HOXB3: variants seen among roughly 807,000 people sequenced by gnomAD.
HOXB3 encodes homeobox protein Hox-B3.
HOXB3 carries 17 observed loss-of-function variants against 29.2 expected under a neutral mutation model. The observed-to-expected ratio is 0.58, with a 90% confidence interval of 0.40 to 0.87. The LOEUF (loss-of-function observed/expected upper bound fraction) is 0.87, where lower values mean the gene tolerates loss of function less well. HOXB3 is among the 40% of genes least tolerant of loss of function. HOXB3 has a pLI of 0.00. For missense variants in HOXB3, 637 were observed against 616.3 expected (o/e 1.03, Z -0.35); for synonymous variants, 317 against 285.9 (o/e 1.11, Z -1.10).
At position 48,550,232 on chromosome 17, in the gene HOXB3, C is replaced by T; in HGVS notation, c.*102G>A. The stretch of plus-strand genomic sequence containing the variant: ...CGGTTCTGACCAGGAAGCCTGGGTA[C>T]CACCTTCTCTGGCTCCTCTTTTCAG... On this transcript the variant is annotated 3_prime_UTR_variant, in exon 5 of 5. Coordinates refer to ENST00000498678, the MANE Select transcript of HOXB3 (RefSeq NM_001384749.1). 4.0e-6 allele frequency: 6 copies of T among 1,500,904 alleles called. No individual in the cohort carries two copies. In the South Asian group the frequency reaches 5.0e-5, roughly 12 times the overall value. The allele number at this position is 1,500,904 out of a possible 1,614,324, so 93.0% of individuals were successfully genotyped here.
chr17:48,572,110 G>A (rs901769955), intron 2 of HOXB3, among the ~76,000 whole-genome samples: 1 of 152,140 alleles, frequency 6.6e-6, no homozygotes, highest in Non-Finnish European at 1.5e-5. Context: ...TCTATGTTCA[G>A]GGCTCACTGT....
chr17:48,550,573 C>G lies in HOXB3; in HGVS notation c.1057G>C (p.Val353Leu). The G allele has an allele frequency of 6.5e-7, 1 of 1,529,570 alleles. No individual in the cohort carries two copies. The highest frequency in any genetic ancestry group is 8.7e-7 in the Non-Finnish European group (1 of 1,149,150). The allele number at this position is 1,529,570 out of a possible 1,614,324, so 94.7% of individuals were successfully genotyped here. The change falls in exon 5 of 5, where the codon GTG (valine) becomes CTG (leucine). Residue 353 changes from valine to leucine, a missense_variant. Val to Leu is a conservative substitution (Grantham distance 32). Transcript: ENST00000498678. ...GGATCCGCGTAGCCGCCCCCGCCCA[C>G]GTACACCGGACTGCCCTGCATGGTG... The part of the protein sequence containing the change: ...TPTMQGSPVY[V>L]GGGGYADPLP...
In HOXB3 at chr17:48,552,579, C is replaced by CA. The variant is rs2068803504; in HGVS notation, c.-106_-105insT. 2 of 764,456 alleles carry CA rather than the reference C, an allele frequency of 2.6e-6. No homozygotes were observed. The highest frequency in any genetic ancestry group is 2.0e-5 in the South Asian group (1 of 50,832). 47.4% of individuals were successfully genotyped at this position (764,456 alleles called of 1,614,324 possible). On this transcript the variant is annotated 5_prime_UTR_variant, in exon 4 of 5. It introduces an in-frame stop codon into an upstream open reading frame of the 5' UTR. Transcript: ENST00000498678. ...GTCACGTGACACGCCGGACCCCCCC[C>CA]CCCCACCTCCCCTCTCTGCCCCCCT...
chr17:48,577,337 G>C (rs1045251960), intron 1 of HOXB3, among the ~76,000 whole-genome samples: 2 of 152,180 alleles, frequency 1.3e-5, no homozygotes, highest in African/African-American at 2.4e-5. Context: ...GGAGAATGAG[G>C]GGGTGGAAGA....
intron 1 of HOXB3, chr17:48,577,155 G>A (rs200217746): frequency 2.3e-6 from 2 of 871,682 alleles, no homozygotes; most frequent in Admixed American, 2.8e-5. Context: ...GGAGAGCGGG[G>A]AAAAACGAAA....
chr17:48,562,473 A>C (rs1334683343), intron 2 of HOXB3, among the ~76,000 whole-genome samples: 1 of 151,684 alleles, frequency 6.6e-6, no homozygotes, highest in Non-Finnish European at 1.5e-5. Context: ...TGCTTTCCCT[A>C]CCCCCAAAGC....
At chr17:48,584,067 C>T (rs2070000671) in intron 1 of HOXB3, among the ~76,000 whole-genome samples, 1 of 152,220 alleles carries the variant, frequency 6.6e-6, no homozygotes, top group Non-Finnish European at 1.5e-5. Flanking sequence ...CCAAAATAGA[C>T]ATATGCCCCA....
chr17:48,559,235 C>T lies in HOXB3; in HGVS notation c.-246-3617G>A, dbSNP rs961887687. On this transcript the variant is annotated intron_variant, in intron 2 of 4. Coordinates refer to ENST00000498678, the MANE Select transcript of HOXB3 (RefSeq NM_001384749.1). ...TACCCGCCCTTCTAGACCTCGGCGG[C>T]GGGATCGTGCCTGTTTCTCTCCTCC... 3.3e-5 allele frequency among the ~76,000 whole-genome samples: 5 copies of T among 152,108 alleles called. No homozygotes were observed. The East Asian group carries it at 7.7e-4, about 23-fold the overall frequency.
intron 2 of HOXB3, among the ~76,000 whole-genome samples, chr17:48,561,827 C>T (rs1021945750): frequency 3.9e-5 from 6 of 152,196 alleles, no homozygotes; most frequent in Non-Finnish European, 5.9e-5. Context: ...TGAGTGTCCC[C>T]TTCTGTAAAG....
chr17:48,590,234 A>G lies in HOXB3; in HGVS notation c.-534T>C, dbSNP rs979514661. On this transcript the variant is annotated 5_prime_UTR_variant, in exon 1 of 5. Coordinates refer to ENST00000498678, the MANE Select transcript of HOXB3 (RefSeq NM_001384749.1). ...CCCTTCCCCACCACAGCGAGCAGTT[A>G]AAGTGTCACTTAACATTCTGGAGAA... The G allele has an allele frequency of 2.6e-5, 4 of 152,190 alleles. No homozygotes were observed. Among genetic ancestry groups the G allele is most frequent in the African/African-American group, 9.7e-5 (4 of 41,430 alleles). 9.4% of individuals were successfully genotyped at this position (152,190 alleles called of 1,614,324 possible).
chr17:48,551,429 A>C (rs2068737958), intron 4 of HOXB3, among the ~76,000 whole-genome samples: 1 of 152,092 alleles, frequency 6.6e-6, no homozygotes, highest in Non-Finnish European at 1.5e-5. Context: ...AGCTTATGAA[A>C]ATTTGATCAT....
chr17:48,574,993 C>CA (rs962706821), intron 1 of HOXB3: 1 of 152,148 alleles, frequency 6.6e-6, no homozygotes, highest in East Asian at 1.9e-4. Flanking sequence ...AACATCTGTG[C>CA]AAAAAATTAT....
intron 1 of HOXB3, chr17:48,574,430 T>C (rs1262678804): frequency 6.6e-6 from 1 of 152,526 alleles, no homozygotes; most frequent in African/African-American, 2.4e-5. Flanking sequence ...GGCCTGTCGG[T>C]TCCCCCTGCC....
At chr17:48,557,575 G>A (rs1333956782) in intron 2 of HOXB3, among the ~76,000 whole-genome samples, 1 of 152,132 alleles carries the variant, frequency 6.6e-6, no homozygotes, top group Non-Finnish European at 1.5e-5. Flanking sequence ...ATAAACTGGG[G>A]GTACCTATGG....
chr17:48,589,663 G>C (rs2070111717), intron 1 of HOXB3, among the ~76,000 whole-genome samples: 1 of 152,162 alleles, frequency 6.6e-6, no homozygotes, highest in Non-Finnish European at 1.5e-5. Flanking sequence ...CTTTTTCTCA[G>C]CTCAGATGTA....
chr17:48,581,974 A>C (rs754871962), intron 1 of HOXB3: 5 of 152,172 alleles, frequency 3.3e-5, no homozygotes, highest in African/African-American at 4.8e-5. Context: ...AACACGCATA[A>C]TAGTAAAATA....
chr17:48,560,306 C>T (rs528341232), intron 2 of HOXB3: 1 of 152,252 alleles, frequency 6.6e-6, no homozygotes, highest in Non-Finnish European at 1.5e-5. Context: ...GGATTAATGA[C>T]CAATCAGCGA....
At chr17:48,569,410 C>T (rs1231714310) in intron 2 of HOXB3, among the ~76,000 whole-genome samples, 1 of 151,768 alleles carries the variant, frequency 6.6e-6, no homozygotes, top group African/African-American at 2.4e-5. Flanking sequence ...TGGACACACA[C>T]TTACCCACAG....
At position 48,555,585 on chromosome 17, in the gene HOXB3, C is replaced by T. The variant is rs1021285779; in HGVS notation, c.-213G>A. The T allele has an allele frequency of 4.3e-6, 3 of 702,646 alleles. No individual in the cohort carries two copies. In the African/African-American group the frequency reaches 5.2e-5, roughly 12 times the overall value. The allele number at this position is 702,646 out of a possible 1,614,324, so 43.5% of individuals were successfully genotyped here. On this transcript the variant is annotated 5_prime_UTR_variant, in exon 3 of 5. Transcript: ENST00000498678. ...GACATAATATATATTCACATCGAGC[C>T]CCAGAGCGAGCGGCAGGCGACAAAT...
Sources: gnomAD v4.1 joint callset for allele counts (sites outside exome capture counted in the v4.1 genomes callset) on GRCh38, gnomAD v4.1.1 for gene constraint, MANE v1.5 for transcripts, NCBI Gene and HGNC (gene_info 2026-07-23, HGNC 2026-07-21) for gene names.